ATP8A2: variants seen among roughly 807,000 people sequenced by gnomAD.
ATP8A2 encodes ATPase phospholipid transporting 8A2.
A neutral mutation model predicts 165.6 loss-of-function variants in ATP8A2; 100 were observed. The ratio of observed to expected loss-of-function variants is 0.60; its 90% CI spans 0.51 to 0.71. The LOEUF (loss-of-function observed/expected upper bound fraction) is 0.71, where lower values mean the gene tolerates loss of function less well. ATP8A2 is among the 30% of genes least tolerant of loss of function. The pLI is 0.00. For synonymous variants in ATP8A2, 543 were observed against 548.8 expected, an observed-to-expected ratio of 0.99 and a Z score of 0.15; for missense variants, 1,227 against 1,479.5, an observed-to-expected ratio of 0.83 and a Z score of 2.80.
At chr13:25,650,612 T>A (rs893266944) in intron 24 of ATP8A2, among the ~76,000 whole-genome samples, 3 of 152,204 alleles carry the variant, frequency 2.0e-5, no homozygotes, top group African/African-American at 4.8e-5. Flanking sequence ...TTCAGCTTTT[T>A]TTCCAATTTG....
chr13:25,459,826 T>C (rs1333346231), intron 1 of ATP8A2, among the ~76,000 whole-genome samples: 1 of 152,122 alleles, frequency 6.6e-6, no homozygotes, highest in African/African-American at 2.4e-5. Flanking sequence ...GGGTCACTGA[T>C]GTCACTGGGG....
At chr13:25,922,852 A>G (rs1004312742) in intron 33 of ATP8A2, among the ~76,000 whole-genome samples, 3 of 152,188 alleles carry the variant, frequency 2.0e-5, no homozygotes, top group Non-Finnish European at 2.9e-5. Flanking sequence ...ACTGTGACAG[A>G]CACAAATTCT....
chr13:25,966,662 G>A (rs535727520), intron 34 of ATP8A2, among the ~76,000 whole-genome samples: 4 of 152,156 alleles, frequency 2.6e-5, no homozygotes, highest in African/African-American at 7.2e-5. Context: ...GAATATGGGC[G>A]CAGTTTCATC....
chr13:25,814,121 A>ACACACT (rs1202052360), intron 27 of ATP8A2, among the ~76,000 whole-genome samples: 5 of 150,682 alleles, frequency 3.3e-5, no homozygotes, highest in Non-Finnish European at 5.9e-5. Context: ...ACACACACAC[A>ACACACT]CTCATTAAGT....
intron 35 of ATP8A2, among the ~76,000 whole-genome samples, chr13:25,980,075 T>C (rs1956145480): frequency 6.6e-6 from 1 of 152,086 alleles, no homozygotes; most frequent in South Asian, 2.1e-4. Flanking sequence ...AAAAATGTGA[T>C]TGGAAGAAAA....
At chr13:25,509,930 A>G (rs2037167786) in intron 2 of ATP8A2, among the ~76,000 whole-genome samples, 1 of 152,240 alleles carries the variant, frequency 6.6e-6, no homozygotes, top group Non-Finnish European at 1.5e-5. Flanking sequence ...TTTATGAAGA[A>G]CTTGAACTTC....
Position 25,860,835 on chromosome 13 carries a change from GT to G in ATP8A2, c.3053del (p.Leu1018TrpfsTer19). ...GTTGTTACTGTTTGTCTGAAAGCTG[GT>G]TTGGAGACCACAGCTTGGACTAAAG... ...YVVVTVCLKAGLETTAWTKFS... is the reference protein window; with the variant it reads ...YVVVTVCLKAXLETTAWTKFS... On this transcript the variant is annotated frameshift_variant, in exon 32 of 37. Transcript: ENST00000381655. LOFTEE classifies it high-confidence loss of function. The G allele has an allele frequency of 6.3e-7, 1 of 1,598,160 alleles. No individual in the cohort carries two copies. Among genetic ancestry groups the G allele is most frequent in the Non-Finnish European group, 8.5e-7 (1 of 1,170,138 alleles).
chr13:25,618,395 GC>G (rs2137440379), intron 24 of ATP8A2, among the ~76,000 whole-genome samples: 1 of 152,212 alleles, frequency 6.6e-6, no homozygotes, highest in East Asian at 1.9e-4. Flanking sequence ...TGTTGTCACT[GC>G]CCCGAGACTG....
rs559656858 is a variant in ATP8A2, at chr13:25,793,748, C to T, written c.2679+18789C>T. On this transcript the variant is annotated intron_variant, in intron 27 of 36. Transcript: ENST00000381655. Reference sequence around the variant, plus strand: ...CCATTAACGAGATAGCAGAGAAATCCTTTGCTATCTAATATGTCACGGTGA... The same window carrying T: ...CCATTAACGAGATAGCAGAGAAATCTTTTGCTATCTAATATGTCACGGTGA... 7.4e-4 allele frequency among the ~76,000 whole-genome samples: 112 copies of T among 152,028 alleles called. 5 individuals are homozygous for T. In the South Asian group the frequency reaches 0.023, roughly 31 times the overall value.
At chr13:25,639,562 A>G (rs1327919628) in intron 24 of ATP8A2, among the ~76,000 whole-genome samples, 2 of 152,248 alleles carry the variant, frequency 1.3e-5, no homozygotes, top group Non-Finnish European at 2.9e-5. Flanking sequence ...ACTATCCTAA[A>G]TATATATGCA....
At chr13:25,984,471 G>T (rs552788064) in intron 35 of ATP8A2, among the ~76,000 whole-genome samples, 1 of 152,018 alleles carries the variant, frequency 6.6e-6, no homozygotes, top group South Asian at 2.1e-4. Context: ...AAGTGTGGTG[G>T]TGCACACCTG....
chr13:25,473,885 T>C (rs566159052), intron 2 of ATP8A2, among the ~76,000 whole-genome samples: 261 of 152,282 alleles, frequency 1.7e-3, no homozygotes, highest in Non-Finnish European at 1.4e-3. Context: ...AATGTTTTTT[T>C]CCCCCAGAAA....
chr13:25,955,973 C>T (rs184082263), intron 33 of ATP8A2, among the ~76,000 whole-genome samples: 35 of 152,254 alleles, frequency 2.3e-4, no homozygotes, highest in Middle Eastern at 3.4e-3. Flanking sequence ...GTTCAACATA[C>T]GCAAATCAAT....
chr13:25,563,865 T>A, intron 15 of ATP8A2, 91 bp from the exon 16 acceptor site: 1 of 828,660 alleles, frequency 1.2e-6, no homozygotes, highest in Non-Finnish European at 2.1e-6. Context: ...ACTTTAGGTA[T>A]GGTTCTTCTT....
At chr13:25,843,566 C>T (rs1176552427) in intron 30 of ATP8A2, among the ~76,000 whole-genome samples, 1 of 152,168 alleles carries the variant, frequency 6.6e-6, no homozygotes, top group Non-Finnish European at 1.5e-5. Context: ...AGCTAGAAGA[C>T]ATCACCTATG....
chr13:25,725,098 G>A (rs2043464614), intron 25 of ATP8A2, among the ~76,000 whole-genome samples: 1 of 152,210 alleles, frequency 6.6e-6, no homozygotes, highest in African/African-American at 2.4e-5. Flanking sequence ...TGTGATAAAT[G>A]CTGGGTTCTC....
intron 27 of ATP8A2, among the ~76,000 whole-genome samples, chr13:25,812,675 T>G (rs1291143158): frequency 1.3e-5 from 2 of 151,354 alleles, no homozygotes; most frequent in African/African-American, 2.4e-5. Context: ...TAACAAGTGA[T>G]CAATAAAATA....
chr13:25,797,923 T>A (rs993597485), intron 27 of ATP8A2, among the ~76,000 whole-genome samples: 12 of 152,342 alleles, frequency 7.9e-5, no homozygotes, highest in African/African-American at 2.9e-4. Flanking sequence ...TGAATAATTA[T>A]CTATGGGAAG....
intron 36 of ATP8A2, among the ~76,000 whole-genome samples, chr13:26,015,267 A>T (rs1472805944): frequency 6.6e-6 from 1 of 152,234 alleles, no homozygotes; most frequent in East Asian, 1.9e-4. Context: ...CAGCCAGAGA[A>T]GATCGTCGGG....
Sources: allele counts gnomAD v4.1 joint callset (sites outside exome capture counted in the v4.1 genomes callset), GRCh38; gene constraint gnomAD v4.1.1; transcripts MANE v1.5; gene names NCBI Gene and HGNC (gene_info 2026-07-23, HGNC 2026-07-21).